FAF1: variants seen among roughly 807,000 people sequenced by gnomAD.
FAF1 encodes FAS-associated factor 1.
A neutral mutation model predicts 92.5 loss-of-function variants in FAF1; 25 were observed. The ratio of observed to expected loss-of-function variants is 0.27; its 90% CI spans 0.20 to 0.38. FAF1 has a LOEUF of 0.38. Among genes scored for constraint, FAF1 ranks in the 10% least tolerant of loss-of-function variants. The pLI is 1.00. For missense variants in FAF1, 636 were observed against 793.3 expected (o/e 0.80, Z 2.38); for synonymous variants, 234 against 273.2 (o/e 0.86, Z 1.42).
At chr1:50,727,525 T>C (rs1451855152) in intron 6 of FAF1, among the ~76,000 whole-genome samples, 1 of 152,262 alleles carries the variant, frequency 6.6e-6, no homozygotes, top group African/African-American at 2.4e-5. Context: ...GTGGTAGGGA[T>C]ACAACAGTGA....
At chr1:50,444,791 T>C (rs1646209233) in intron 18 of FAF1, among the ~76,000 whole-genome samples, 1 of 152,212 alleles carries the variant, frequency 6.6e-6, no homozygotes, top group Non-Finnish European at 1.5e-5. Context: ...TGGATGAAGA[T>C]ACCACAGGTT....
At chr1:50,937,393 G>A (rs1645096398) in intron 1 of FAF1, among the ~76,000 whole-genome samples, 1 of 152,018 alleles carries the variant, frequency 6.6e-6, no homozygotes, top group African/African-American at 2.4e-5. Flanking sequence ...TAACATAGTT[G>A]CCTTCATATG....
chr1:50,847,555 C>A (rs1197885885), intron 2 of FAF1, among the ~76,000 whole-genome samples: 1 of 151,418 alleles, frequency 6.6e-6, no homozygotes. Context: ...AGAAATTACT[C>A]AAACTGAAAC....
chr1:50,805,714 C>T (rs746939281), intron 2 of FAF1, among the ~76,000 whole-genome samples: 14 of 151,710 alleles, frequency 9.2e-5, no homozygotes, highest in Non-Finnish European at 1.8e-4. Context: ...TTTTTGTAAA[C>T]AAAAGACCCT....
intron 4 of FAF1, among the ~76,000 whole-genome samples, chr1:50,759,811 C>A (rs1378185160): frequency 6.6e-6 from 1 of 152,190 alleles, no homozygotes; most frequent in Non-Finnish European, 1.5e-5. Flanking sequence ...TCTCCAGCAC[C>A]TGTTGTTTCC....
intron 8 of FAF1, among the ~76,000 whole-genome samples, chr1:50,622,310 AAGC>A (rs1653254059): frequency 6.6e-6 from 1 of 152,078 alleles, no homozygotes; most frequent in South Asian, 2.1e-4. Flanking sequence ...CCTTTCCCAA[AAGC>A]TATTCAGGGC....
intron 15 of FAF1, among the ~76,000 whole-genome samples, chr1:50,528,160 A>T (rs1297465261): frequency 6.6e-6 from 1 of 151,964 alleles, no homozygotes; most frequent in African/African-American, 2.4e-5. Flanking sequence ...GAGCCACTGC[A>T]CCCAGCCTGC....
In FAF1 at chr1:50,959,957, A is replaced by G. The variant is rs1645302963; in HGVS notation, c.-146T>C. 2.5e-6 allele frequency: 1 copy of G among 392,898 alleles called. No homozygotes were observed. The highest frequency in any genetic ancestry group is 4.1e-6 in the Non-Finnish European group (1 of 241,728). The allele number at this position is 392,898 out of a possible 1,614,324, so 24.3% of individuals were successfully genotyped here. ...GAGCCGGCGGGCGGGTCGGCGGGCC[A>G]GCGGGCGGGGCAGCGCGGGAAGCGC... is the stretch of plus-strand genomic sequence containing the variant. On this transcript the variant is annotated 5_prime_UTR_variant, in exon 1 of 19. Transcript: ENST00000396153.
intron 6 of FAF1, among the ~76,000 whole-genome samples, chr1:50,721,456 G>T (rs1417625823): frequency 6.6e-6 from 1 of 151,950 alleles, no homozygotes; most frequent in Non-Finnish European, 1.5e-5. Flanking sequence ...CTCAGGATCC[G>T]CCTGCGTCGG....
chr1:50,781,498 T>C (rs1047866543), intron 4 of FAF1, among the ~76,000 whole-genome samples: 2 of 152,004 alleles, frequency 1.3e-5, no homozygotes, highest in Non-Finnish European at 2.9e-5. Flanking sequence ...AGTACCCAAA[T>C]ATATGAAGCA....
chr1:50,760,404 A>G (rs2124526618), intron 4 of FAF1, among the ~76,000 whole-genome samples: 2 of 152,308 alleles, frequency 1.3e-5, no homozygotes, highest in South Asian at 4.1e-4. Flanking sequence ...GCACCACAAC[A>G]CACTTATTCC....
intron 1 of FAF1, among the ~76,000 whole-genome samples, chr1:50,886,057 G>T (rs1644660584): frequency 6.6e-6 from 1 of 152,046 alleles, no homozygotes; most frequent in African/African-American, 2.4e-5. Context: ...TTGAAAAGTT[G>T]TTGTAGTTAT....
At chr1:50,559,224 C>T (rs892963923) in intron 13 of FAF1, among the ~76,000 whole-genome samples, 1 of 150,614 alleles carries the variant, frequency 6.6e-6, no homozygotes, top group African/African-American at 2.4e-5. Context: ...GCACTCCAGC[C>T]TAGGCAACAG....
intron 1 of FAF1, among the ~76,000 whole-genome samples, chr1:50,942,249 C>A (rs938977057): frequency 3.3e-5 from 5 of 152,208 alleles, no homozygotes; most frequent in African/African-American, 1.2e-4. Context: ...GCCTGTAATG[C>A]CAATACTTTG....
chr1:50,846,169 G>A (rs896132028), intron 2 of FAF1, among the ~76,000 whole-genome samples: 1 of 151,820 alleles, frequency 6.6e-6, no homozygotes, highest in African/African-American at 2.4e-5. Flanking sequence ...CTCGTTTCCA[G>A]GCATAAAATC....
intron 2 of FAF1, among the ~76,000 whole-genome samples, chr1:50,826,359 T>G (rs1447268502): frequency 6.6e-6 from 1 of 151,982 alleles, no homozygotes; most frequent in Non-Finnish European, 1.5e-5. Flanking sequence ...AAGACCAGCT[T>G]AGCCAACATG....
chr1:50,880,408 C>T (rs1404579421), intron 1 of FAF1, among the ~76,000 whole-genome samples: 1 of 152,122 alleles, frequency 6.6e-6, no homozygotes, highest in Admixed American at 6.5e-5. Flanking sequence ...CATGTTAGAG[C>T]CCTAACTCCC....
chr1:50,518,643 T>C (rs1160572848), intron 15 of FAF1, among the ~76,000 whole-genome samples: 1 of 152,076 alleles, frequency 6.6e-6, no homozygotes, highest in Non-Finnish European at 1.5e-5. Context: ...AGTTTCACCG[T>C]GTTAGCCAGG....
At chr1:50,801,883 A>G (rs1001837096) in intron 2 of FAF1, among the ~76,000 whole-genome samples, 4 of 152,212 alleles carry the variant, frequency 2.6e-5, no homozygotes, top group African/African-American at 7.2e-5. Context: ...AAAAACATGC[A>G]TTTGACATGT....
Sources: allele counts gnomAD v4.1 joint callset (sites outside exome capture counted in the v4.1 genomes callset), GRCh38; gene constraint gnomAD v4.1.1; transcripts MANE v1.5; gene names NCBI Gene and HGNC (gene_info 2026-07-23, HGNC 2026-07-21).